Variants in NFKBIZ observed in about 807,000 individuals in gnomAD.
The protein encoded by NFKBIZ is NF-kappa-B inhibitor zeta.
A neutral mutation model predicts 76.8 loss-of-function variants in NFKBIZ; 19 were observed. The observed-to-expected ratio is 0.25, with a 90% CI of 0.17 to 0.36. The LOEUF (loss-of-function observed/expected upper bound fraction) is 0.36, where lower values mean the gene tolerates loss of function less well. Ranked by LOEUF, NFKBIZ falls within the 10% of genes least tolerant of loss-of-function variation. The pLI, the probability that NFKBIZ is intolerant of heterozygous loss-of-function variation, is 1.00. For missense variants in NFKBIZ, 829 were observed against 910.9 expected, an observed-to-expected ratio of 0.91 and a Z score of 1.16; for synonymous variants, 368 against 354.8, an observed-to-expected ratio of 1.04 and a Z score of -0.42.
chr3:101,834,633 T>A (rs1440078729), intron 2 of NFKBIZ, among the ~76,000 whole-genome samples: 3 of 152,158 alleles, frequency 2.0e-5, no homozygotes, highest in African/African-American at 7.2e-5. Flanking sequence ...AGTGCTGGGA[T>A]CACAGGCGTG....
chr3:101,832,921 T>C (rs546607633), intron 2 of NFKBIZ, among the ~76,000 whole-genome samples: 1 of 152,260 alleles, frequency 6.6e-6, no homozygotes, highest in Non-Finnish European at 1.5e-5. Context: ...ATTCATTTTG[T>C]GCAGTATTTG....
chr3:101,858,422 C>T (rs1363964098), intron 11 of NFKBIZ: 1 of 985,242 alleles, frequency 1.0e-6, no homozygotes, highest in East Asian at 1.1e-4. Flanking sequence ...CCAGAACCAT[C>T]ATTAACTTGT....
chr3:101,837,752 C>T (rs547857324), intron 2 of NFKBIZ, among the ~76,000 whole-genome samples: 33 of 152,174 alleles, frequency 2.2e-4, no homozygotes, highest in East Asian at 5.8e-4. Flanking sequence ...ATTTTATGGA[C>T]GTTTAACACT....
At chr3:101,845,281 A>G (rs1247061164), upstream of NFKBIZ, among the ~76,000 whole-genome samples, 1 of 150,720 alleles carries the variant, frequency 6.6e-6, no homozygotes, top group Non-Finnish European at 1.5e-5. Context: ...AAAAGAAAAA[A>G]AAAATCCAAT....
chr3:101,845,758 A>G (rs1035290130), upstream of NFKBIZ, among the ~76,000 whole-genome samples: 4 of 152,206 alleles, frequency 2.6e-5, no homozygotes, highest in Non-Finnish European at 5.9e-5. Flanking sequence ...TAGCGTTCTC[A>G]TATTTTTATT....
At position 101,857,497 on chromosome 3, in the gene NFKBIZ, A is replaced by C. The variant is rs544415274; in HGVS notation, c.2103+38A>C. On this transcript the variant is annotated intron_variant, in intron 11 of 11. Transcript: ENST00000326172. Reference sequence around the variant, plus strand: ...GGAGGGAGAGGAAGTATTTTTTGGCACTGCAGTCTGAAACAGAAAGGGAGA... The same window carrying C: ...GGAGGGAGAGGAAGTATTTTTTGGCCCTGCAGTCTGAAACAGAAAGGGAGA... 26 of 1,611,150 alleles carry C rather than the reference A, an allele frequency of 1.6e-5. No homozygotes were observed. In the South Asian group the frequency reaches 2.6e-4, roughly 16 times the overall value.
intron 9 of NFKBIZ, 55 bp downstream of exon 9, chr3:101,855,957 A>C: frequency 6.8e-7 from 1 of 1,465,460 alleles, no homozygotes; most frequent in Non-Finnish European, 9.2e-7. Flanking sequence ...GTTATATAGC[A>C]AAAGACCTTG....
rs908230958 is a variant in NFKBIZ, at chr3:101,857,449, T to C, written c.2093T>C (p.Val698Ala). 1 of 1,613,914 alleles carries C rather than the reference T, an allele frequency of 6.2e-7. No homozygotes were observed. The highest frequency in any genetic ancestry group is 1.3e-5 in the African/African-American group (1 of 74,898). ...QPVHLVPDGPVGEQIRRILKG... is the reference protein window; with the variant it reads ...QPVHLVPDGPAGEQIRRILKG... ...GTGCATTTGGTTCCCGATGGCCCTG[T>C]GGGAGAACAGGTGAGAGGCACAGGA... The change falls in exon 11 of 12, where the codon GTG (valine) becomes GCG (alanine). Residue 698 changes from valine (V) to alanine (A), a missense_variant. Physicochemically the swap from Val to Ala is moderately conservative, Grantham distance 64 (BLOSUM62 0). Coordinates refer to ENST00000326172, the MANE Select transcript of NFKBIZ (RefSeq NM_031419.4).
upstream of NFKBIZ, among the ~76,000 whole-genome samples, chr3:101,846,240 G>A (rs1942848539): frequency 1.3e-5 from 2 of 152,228 alleles, no homozygotes; most frequent in Admixed American, 6.5e-5. Flanking sequence ...TTTCCAGACA[G>A]TGTCCTCGTA....
rs772320025 is a variant in NFKBIZ, at chr3:101,853,420, G to T, written c.894G>T (p.Gln298His). 3.1e-6 allele frequency: 5 copies of T among 1,614,144 alleles called. No homozygotes were observed. Among genetic ancestry groups the T allele is most frequent in the Non-Finnish European group, 3.4e-6 (4 of 1,180,032 alleles). ...CTCCACAGAACCAGCATGTAGAGCA[G>T]CAGCCACACTACACCCACAAACCAA... ...QYSPQNQHVE[Q>H]QPHYTHKPTL... Residue 298 changes from glutamine (Q) to histidine (H), a missense_variant, in exon 5 of 12, where the codon CAG becomes CAT. By Grantham distance (24) the Gln-to-His change is conservative. Coordinates refer to ENST00000326172, the MANE Select transcript of NFKBIZ (RefSeq NM_031419.4).
At position 101,831,665 on chromosome 3, in the gene NFKBIZ, A is replaced by C. The variant is rs528580173; in HGVS notation, c.-12+1977A>C. Among the ~76,000 whole-genome samples, 3 of 147,330 alleles carry C rather than the reference A, an allele frequency of 2.0e-5. No homozygotes were observed. In the East Asian group the frequency reaches 5.9e-4, roughly 29 times the overall value. ...TCTCCTTTCTTTTTTTTTGATACAGAATCTCCCTCTGTCGCCCATGGTTGG... is the reference window on the plus strand; with the variant it reads ...TCTCCTTTCTTTTTTTTTGATACAGCATCTCCCTCTGTCGCCCATGGTTGG... On this transcript the variant is annotated intron_variant, in intron 2 of 12. Transcript: ENST00000394054.
At chr3:101,834,903 C>T (rs1163371845) in intron 2 of NFKBIZ, among the ~76,000 whole-genome samples, 1 of 152,210 alleles carries the variant, frequency 6.6e-6, no homozygotes, top group Non-Finnish European at 1.5e-5. Context: ...TGTTTGCAGG[C>T]AGCATCAGGG....
intron 2 of NFKBIZ, among the ~76,000 whole-genome samples, chr3:101,839,781 C>A (rs1942765629): frequency 6.6e-6 from 1 of 151,962 alleles, no homozygotes; most frequent in Non-Finnish European, 1.5e-5. Context: ...AATTTTTTTT[C>A]TCCTTAAAAA....
chr3:101,843,693 T>C (rs1311500759), intron 2 of NFKBIZ, among the ~76,000 whole-genome samples: 1 of 152,264 alleles, frequency 6.6e-6, no homozygotes, highest in East Asian at 1.9e-4. Context: ...CCACATCTTC[T>C]GATACATTAA....
chr3:101,849,758 G>T lies in NFKBIZ; in HGVS notation c.130G>T (p.Ala44Ser). Residue 44 changes from alanine (A) to serine (S), a missense_variant, in exon 1 of 12, where the codon GCC (alanine) becomes TCC (serine). Ala to Ser is a moderately conservative substitution (Grantham distance 99). Coordinates refer to ENST00000326172, the MANE Select transcript of NFKBIZ (RefSeq NM_031419.4). ...YFYGASPPAAAPGACDASCSV... is the reference protein window; with the variant it reads ...YFYGASPPAASPGACDASCSV... ...CTACGGCGCGTCGCCGCCCGCCGCC[G>T]CCCCGGGCGCCTGCGACGCCAGCTG... 1 of 1,451,588 alleles carries T rather than the reference G, an allele frequency of 6.9e-7. No individual in the cohort carries two copies. The allele number at this position is 1,451,588 out of a possible 1,614,324, so 89.9% of individuals were successfully genotyped here.
chr3:101,857,527 G>T (rs1160621693), intron 11 of NFKBIZ, 68 bp downstream of exon 11: 8 of 1,593,632 alleles, frequency 5.0e-6, no homozygotes, highest in Non-Finnish European at 6.8e-6. Flanking sequence ...GGGAGATGAG[G>T]CTGTGCAGGG....
At position 101,855,823 on chromosome 3, in the gene NFKBIZ, A is replaced by T; in HGVS notation, c.1745A>T (p.Gln582Leu). Residue 582 changes from glutamine to leucine, a missense_variant, in exon 9 of 12, where the codon CAG becomes CTG. Gln to Leu is a moderately radical substitution (Grantham distance 113). Coordinates refer to ENST00000326172, the MANE Select transcript of NFKBIZ (RefSeq NM_031419.4). ...RNQQPHSPEVQELLLKNKSLV... is the reference protein window; with the variant it reads ...RNQQPHSPEVLELLLKNKSLV... ...CAACAGCCTCATTCACCTGAAGTTC[A>T]GGAGCTTTTACTGAAGAATAAGAGT... 1.2e-6 allele frequency: 2 copies of T among 1,614,154 alleles called. No individual in the cohort carries two copies. Among genetic ancestry groups the T allele is most frequent in the Non-Finnish European group, 1.7e-6 (2 of 1,180,010 alleles).
At chr3:101,855,236 C>T (rs1250375864) in intron 7 of NFKBIZ, 28 bp downstream of exon 7, 2 of 1,600,804 alleles carry the variant, frequency 1.2e-6, no homozygotes, top group South Asian at 1.1e-5. Flanking sequence ...AGGCTTCCAT[C>T]ATTGCAAGGC....
chr3:101,849,400 T>C (rs1354397351), upstream of NFKBIZ: 1 of 361,802 alleles, frequency 2.8e-6, no homozygotes, highest in Non-Finnish European at 4.9e-6. Context: ...ATCGGACGCA[T>C]CCGGAGGAGG....
Sources: gnomAD v4.1 joint callset for allele counts (sites outside exome capture counted in the v4.1 genomes callset) on GRCh38, gnomAD v4.1.1 for gene constraint, MANE v1.5 for transcripts, NCBI Gene and HGNC (gene_info 2026-07-23, HGNC 2026-07-21) for gene names.